Variants in DMD observed in about 807,000 individuals in gnomAD.
The protein encoded by DMD is mutant dystrophin.
DMD carries 63 observed loss-of-function variants against 330.1 expected under a neutral mutation model. The ratio of observed to expected loss-of-function variants is 0.19; its 90% confidence interval spans 0.16 to 0.24. The LOEUF (loss-of-function observed/expected upper bound fraction) is 0.24, where lower values mean the gene tolerates loss of function less well. Among genes scored for constraint, DMD ranks in the 10% least tolerant of loss-of-function variants. The pLI is 1.00. For missense variants in DMD, 3,344 were observed against 2,684.1 expected, an observed-to-expected ratio of 1.25 and a Z score of -5.43; for synonymous variants, 1,223 against 959.8, an observed-to-expected ratio of 1.27 and a Z score of -5.07.
At chrX:33,067,119 G>A (rs746798385) in intron 1 of DMD, among the ~76,000 whole-genome samples, 12 of 112,127 alleles carry the variant, frequency 1.1e-4, no homozygotes, top group Non-Finnish European at 1.5e-4. Flanking sequence ...TTCAGTAAGT[G>A]TCTGCAGGGA....
At chrX:32,463,392 T>A (rs2098390279) in intron 25 of DMD, 47 bp downstream of exon 25, 1 of 1,120,114 alleles carries the variant, frequency 8.9e-7, no homozygotes, top group Non-Finnish European at 1.2e-6. Context: ...TAGGAAATCT[T>A]AGTTAAGTAC....
intron 9 of DMD, among the ~76,000 whole-genome samples, chrX:32,696,546 G>C (rs994687183): frequency 1.8e-5 from 2 of 112,117 alleles, no homozygotes; most frequent in African/African-American, 6.5e-5. Flanking sequence ...CTAGCAAGAT[G>C]TAAGTCCATT....
chrX:32,357,326 G>A (rs1191988942), intron 37 of DMD, among the ~76,000 whole-genome samples: 1 of 111,430 alleles, frequency 9.0e-6, no homozygotes, highest in Non-Finnish European at 1.9e-5. Context: ...CGCAGCAGCA[G>A]TTCTCTAAGC....
intron 11 of DMD, among the ~76,000 whole-genome samples, chrX:32,631,149 A>G (rs369840199): frequency 1.5e-4 from 17 of 111,742 alleles, no homozygotes; most frequent in African/African-American, 5.5e-4. Context: ...ATTACCTGGT[A>G]GATAATCTTT....
At chrX:31,133,874 G>C (rs190875394) in intron 77 of DMD, among the ~76,000 whole-genome samples, 55 of 112,246 alleles carry the variant, frequency 4.9e-4, no homozygotes, top group African/African-American at 1.5e-3. Context: ...ACAAATAGAG[G>C]GTGGTATTCT....
intron 50 of DMD, among the ~76,000 whole-genome samples, chrX:31,815,788 C>T (rs921171763): frequency 1.8e-5 from 2 of 111,394 alleles, no homozygotes; most frequent in African/African-American, 6.5e-5. Flanking sequence ...GGTGCTTTGA[C>T]CAATATAACT....
intron 57 of DMD, among the ~76,000 whole-genome samples, chrX:31,483,302 T>TC (rs369949551): frequency 0.012 from 1,348 of 110,605 alleles, 42 homozygotes; most frequent in African/African-American, 0.042. Flanking sequence ...CGCCTTGGCC[T>TC]CCCAAAGTGC....
At chrX:31,480,592 GT>G (rs775065140) in intron 57 of DMD, among the ~76,000 whole-genome samples, 2 of 103,746 alleles carry the variant, frequency 1.9e-5, no homozygotes, top group Non-Finnish European at 3.9e-5. Flanking sequence ...GTGTGTGTGT[GT>G]GTGTTCAGTT....
intron 17 of DMD, among the ~76,000 whole-genome samples, chrX:32,537,016 GA>G (rs1270623447): frequency 9.0e-6 from 1 of 111,478 alleles, no homozygotes; most frequent in African/African-American, 3.3e-5. Context: ...CAAGGATGTA[GA>G]AAAAAATAAC....
intron 1 of DMD, among the ~76,000 whole-genome samples, chrX:33,127,742 G>A (rs1247842610): frequency 1.8e-5 from 2 of 110,812 alleles, no homozygotes; most frequent in Non-Finnish European, 3.8e-5. Flanking sequence ...GTTTATGAAT[G>A]TAGTCTACGT....
At chrX:32,134,218 C>G (rs981374065) in intron 44 of DMD, among the ~76,000 whole-genome samples, 3 of 110,770 alleles carry the variant, frequency 2.7e-5, no homozygotes, top group Non-Finnish European at 3.8e-5. Context: ...CCCCAAGAAT[C>G]CAGAGGGCAT....
rs770777074 is a variant in DMD at position 31,266,796 on chromosome X, C to G, written c.9225-5780G>C. ...TGCGGCCATCAGACGGGGCCGGGGC[C>G]GCGATCCACTTACCCTTTGAGCTGT... On this transcript the variant is annotated intron_variant, in intron 62 of 78. Transcript: ENST00000357033. The G allele has an allele frequency of 2.3e-5, 28 of 1,198,241 alleles. No individual in the cohort carries two copies. In the South Asian group the frequency reaches 4.8e-4, roughly 21 times the overall value.
chrX:33,248,370 T>A (rs943155665), intron 1 of DMD, among the ~76,000 whole-genome samples: 1 of 112,520 alleles, frequency 8.9e-6, no homozygotes, highest in Non-Finnish European at 1.9e-5. Flanking sequence ...TCTAAGAAAA[T>A]TAACTTTTAA....
intron 1 of DMD, among the ~76,000 whole-genome samples, chrX:33,059,176 A>T (rs2094553175): frequency 9.0e-6 from 1 of 111,433 alleles, no homozygotes; most frequent in African/African-American, 3.3e-5. Context: ...TATTTTACTT[A>T]TGACTGGAGA....
intron 7 of DMD, among the ~76,000 whole-genome samples, chrX:32,782,094 ACAATC>A (rs1424400789): frequency 8.9e-6 from 1 of 111,994 alleles, no homozygotes; most frequent in Non-Finnish European, 1.9e-5. Context: ...AATTTTGAAT[ACAATC>A]TAATGAAAAC....
rs1397458545 is a variant in DMD, at chrX:31,157,365, C to A, written c.10554-9847G>T. On this transcript the variant is annotated intron_variant, in intron 74 of 78. Coordinates refer to ENST00000357033, the MANE Select transcript of DMD (RefSeq NM_004006.3). The stretch of plus-strand genomic sequence containing the variant: ...TCAAAAGTTCAACACAAGAAGAATT[C>A]ATAAGAAATTTTAACCACTTATAAC... 2.7e-5 allele frequency among the ~76,000 whole-genome samples: 3 copies of A among 111,750 alleles called. No individual in the cohort carries two copies. The Admixed American group carries it at 2.8e-4, about 11-fold the overall frequency.
At chrX:31,145,370 T>C (rs6653572) in intron 76 of DMD, among the ~76,000 whole-genome samples, 16,887 of 111,181 alleles carry the variant, frequency 0.15, 2,821 homozygotes, top group African/African-American at 0.5. Flanking sequence ...TGGAGGTCTT[T>C]TCCAAGGCAC....
intron 47 of DMD, among the ~76,000 whole-genome samples, chrX:31,887,852 T>C (rs113111254): frequency 0.08 from 8,941 of 112,293 alleles, 392 homozygotes; most frequent in Admixed American, 0.22. Flanking sequence ...GTTAGTAACT[T>C]TTCTTACATG....
At chrX:31,319,133 C>A (rs1279357840) in intron 62 of DMD, among the ~76,000 whole-genome samples, 2 of 111,865 alleles carry the variant, frequency 1.8e-5, no homozygotes, top group African/African-American at 6.5e-5. Flanking sequence ...ACAATGCTAA[C>A]AAATTTCATA....
Sources: gnomAD v4.1 joint callset for allele counts (sites outside exome capture counted in the v4.1 genomes callset) on GRCh38, gnomAD v4.1.1 for gene constraint, MANE v1.5 for transcripts, NCBI Gene and HGNC (gene_info 2026-07-23, HGNC 2026-07-21) for gene names.